Variants in HDGFL2 observed in about 807,000 individuals in gnomAD.
HDGFL2 encodes hepatoma-derived growth factor-related protein 2.
Under a neutral mutation model 77.1 loss-of-function variants are expected in HDGFL2, and 36 were observed. That is an observed-to-expected ratio of 0.47 (90% confidence interval 0.36 to 0.62). The LOEUF (loss-of-function observed/expected upper bound fraction) is 0.62, where lower values mean the gene tolerates loss of function less well. HDGFL2 is among the 20% of genes least tolerant of loss of function. The pLI is 0.00. For missense variants in HDGFL2, 976 were observed against 973.4 expected (o/e 1.00, Z -0.04); for synonymous variants, 463 against 413.1 (o/e 1.12, Z -1.46).
At chr19:4,481,994 G>GC (rs943686688) in intron 3 of HDGFL2, among the ~76,000 whole-genome samples, 1 of 148,130 alleles carries the variant, frequency 6.8e-6, no homozygotes, top group African/African-American at 2.5e-5. Flanking sequence ...CTCACTCTCA[G>GC]CCGGGGGGAC....
intron 15 of HDGFL2, chr19:4,501,585 C>G (rs561203377): frequency 4.7e-4 from 226 of 479,768 alleles, no homozygotes; most frequent in African/African-American, 4.2e-3. Flanking sequence ...TCCAGGGTGG[C>G]CCAGGTAGGT....
Position 4,493,814 on chromosome 19 carries a change from T to C in HDGFL2, c.790T>C (p.Ser264Pro). 1 of 1,535,746 alleles carries C rather than the reference T, an allele frequency of 6.5e-7. No homozygotes were observed. Among genetic ancestry groups the C allele is most frequent in the Non-Finnish European group, 8.8e-7 (1 of 1,137,476 alleles). ...ASSSSSSSSS[S>P]DSDVSVKKPP... ...CTCCTCCTCCTCTTCCTCCTCCTCC[T>C]CCGACTCCGATGTGTCTGTGAAGAA... The change falls in exon 7 of 16, where the codon TCC becomes CCC. Residue 264 changes from serine to proline, a missense_variant. Physicochemically the swap from Ser to Pro is moderately conservative, Grantham distance 74 (BLOSUM62 -1). Around this residue, in one of 5 missense-constraint regions of HDGFL2, gnomAD observed 567 missense variants for 534.7 expected, o/e 1.06. Transcript: ENST00000616600.
At chr19:4,496,157 C>T (rs1975695574) in intron 9 of HDGFL2, 145 bp from the exon 10 acceptor site, 2 of 677,144 alleles carry the variant, frequency 3.0e-6, no homozygotes, top group Non-Finnish European at 2.6e-6. Context: ...GGTCCTCCCT[C>T]CTCTCCCATC....
chr19:4,493,942 C>G (rs1264929750), intron 7 of HDGFL2, 40 bp from the exon 8 acceptor site: 1 of 1,576,376 alleles, frequency 6.3e-7, no homozygotes, highest in Admixed American at 1.8e-5. Context: ...CACCTTGGAG[C>G]CCTGGAAGGG....
At chr19:4,501,880 A>G in intron 15 of HDGFL2, 31 bp from the exon 16 acceptor site, 5 of 1,406,796 alleles carry the variant, frequency 3.6e-6, no homozygotes, top group Non-Finnish European at 4.6e-6. Context: ...GCGGGAGGGC[A>G]TCCTCACACC....
At position 4,494,112 on chromosome 19, in the gene HDGFL2, G is replaced by C; in HGVS notation, c.915-54G>C. Reference sequence around the variant, plus strand: ...CGGCTCCTCCATCGGCTGAGGGGCAGGGCGGGCTCCTGAGGGAGGAACGGA... The same window carrying C: ...CGGCTCCTCCATCGGCTGAGGGGCACGGCGGGCTCCTGAGGGAGGAACGGA... On this transcript the variant is annotated intron_variant, in intron 8 of 15. Coordinates refer to ENST00000616600, the MANE Select transcript of HDGFL2 (RefSeq NM_001001520.3). 2.6e-5 allele frequency: 40 copies of C among 1,513,370 alleles called. No homozygotes were observed. In the South Asian group the frequency reaches 5.1e-4, roughly 19 times the overall value. The allele number at this position is 1,513,370 out of a possible 1,614,324, so 93.7% of individuals were successfully genotyped here.
At position 4,488,660 on chromosome 19, in the gene HDGFL2, GC is replaced by G. The variant is rs1245897106; in HGVS notation, c.289-12del. 5.2e-6 allele frequency: 8 copies of G among 1,537,138 alleles called. No homozygotes were observed. The highest frequency in any genetic ancestry group is 7.0e-6 in the Non-Finnish European group (8 of 1,145,960). ...CGACTGGTGGTGACGCGCGTTCTCT[GC>G]CCCGACTCCCACAGCCAGTGAGCTC... On this transcript the variant is annotated splice_polypyrimidine_tract_variant and intron_variant, in intron 3 of 15. Coordinates refer to ENST00000616600, the MANE Select transcript of HDGFL2 (RefSeq NM_001001520.3).
At chr19:4,500,452 ATTTTTTTTTTTT>A (rs67297373) in intron 14 of HDGFL2, among the ~76,000 whole-genome samples, 1 of 88,704 alleles carries the variant, frequency 1.1e-5, no homozygotes, top group Non-Finnish European at 2.1e-5. Context: ...TGCCCTGCTA[ATTTTTTTTTTTT>A]TTTTTTTTTT....
chr19:4,500,838 C>T (rs1336896211), intron 14 of HDGFL2, among the ~76,000 whole-genome samples: 1 of 152,122 alleles, frequency 6.6e-6, no homozygotes, highest in Non-Finnish European at 1.5e-5. Context: ...AACTCCTGGG[C>T]TCAAGTGAGC....
intron 10 of HDGFL2, chr19:4,497,530 C>T: frequency 3.3e-6 from 1 of 301,008 alleles, no homozygotes; most frequent in Non-Finnish European, 6.4e-6. Context: ...CTTGAGTGGG[C>T]AAACCTGCCC....
rs778394624 is a variant in HDGFL2, at chr19:4,501,930, G to A, written c.1936G>A (p.Asp646Asn). 7 of 1,483,188 alleles carry A rather than the reference G, an allele frequency of 4.7e-6. No individual in the cohort carries two copies. Among genetic ancestry groups the A allele is most frequent in the South Asian group, 4.0e-5 (3 of 74,552 alleles). 91.9% of individuals were successfully genotyped at this position (1,483,188 alleles called of 1,614,324 possible). The change falls in exon 16 of 16, where the codon GAC becomes AAC. Residue 646 changes from aspartate (D) to asparagine (N), a missense_variant. By Grantham distance (23) the Asp-to-Asn change is conservative. Around this residue, in one of 5 missense-constraint regions of HDGFL2, gnomAD observed 229 missense variants for 187.3 expected, o/e 1.22. Coordinates refer to ENST00000616600, the MANE Select transcript of HDGFL2 (RefSeq NM_001001520.3). ...CACCAGCAGCGTACGGGAGGGTCCC[G>A]ACCTGGACAGGCCTGGGAGCGACCG... ...DLHDSVREGP[D>N]LDRPGSDRQE...
In HDGFL2 at chr19:4,488,658, C is replaced by T; in HGVS notation, c.289-18C>T. The T allele has an allele frequency of 6.5e-7, 1 of 1,536,630 alleles. No homozygotes were observed. The highest frequency in any genetic ancestry group is 1.2e-5 in the South Asian group (1 of 83,922). On this transcript the variant is annotated intron_variant, in intron 3 of 15. Transcript: ENST00000616600. ...CACGACTGGTGGTGACGCGCGTTCT[C>T]TGCCCCGACTCCCACAGCCAGTGAG... is the stretch of plus-strand genomic sequence containing the variant.
chr19:4,498,188 C>A, intron 11 of HDGFL2, 118 bp from the exon 12 acceptor site: 1 of 1,146,850 alleles, frequency 8.7e-7, no homozygotes, highest in South Asian at 1.3e-5. Context: ...GGGGGCTGAG[C>A]CTGCAGACCT....
Position 4,501,987 on chromosome 19 carries a change from G to C in HDGFL2, c.1993G>C (p.Glu665Gln). 1 of 1,514,452 alleles carries C rather than the reference G, an allele frequency of 6.6e-7. No homozygotes were observed. The highest frequency in any genetic ancestry group is 1.3e-5 in the South Asian group (1 of 79,600). 93.8% of individuals were successfully genotyped at this position (1,514,452 alleles called of 1,614,324 possible). A position where few individuals can be genotyped will look rare whatever the true frequency, so the allele number is the denominator to read the frequency against. ...GCGCGAGAGGGCACGGGGGGACTCG[G>C]AGGCCCTGGACGAGGAGAGCTGAGC... The part of the protein sequence containing the change: ...QERERARGDS[E>Q]ALDEES The change falls in exon 16 of 16, where the codon GAG (glutamate) becomes CAG (glutamine). Residue 665 changes from glutamate (E) to glutamine (Q), a missense_variant. Coordinates refer to ENST00000616600, the MANE Select transcript of HDGFL2 (RefSeq NM_001001520.3).
At chr19:4,490,186 C>G (rs1035827018) in intron 4 of HDGFL2, among the ~76,000 whole-genome samples, 1 of 152,220 alleles carries the variant, frequency 6.6e-6, no homozygotes, top group African/African-American at 2.4e-5. Flanking sequence ...CTCCCGGGTT[C>G]AAGCAATTCT....
At chr19:4,484,689 T>TTTTTTTTTG (rs1975315460) in intron 3 of HDGFL2, among the ~76,000 whole-genome samples, 1 of 85,666 alleles carries the variant, frequency 1.2e-5, no homozygotes, top group Non-Finnish European at 2.4e-5. Flanking sequence ...TTTTTTTTTT[T>TTTTTTTTTG]GACACGGAGT....
At position 4,491,931 on chromosome 19, in the gene HDGFL2, G is replaced by T; in HGVS notation, c.678+96G>T. On this transcript the variant is annotated intron_variant, in intron 6 of 15. Coordinates refer to ENST00000616600, the MANE Select transcript of HDGFL2 (RefSeq NM_001001520.3). The stretch of plus-strand genomic sequence containing the variant: ...AGGGCAGGGCGGGCCATTTCTGGAG[G>T]GGGTGGGACACGGACTGCAGGGTAC... The T allele has an allele frequency of 3.5e-6, 4 of 1,138,740 alleles. No homozygotes were observed. In the Admixed American group the frequency reaches 7.3e-5, roughly 21 times the overall value. 70.5% of individuals were successfully genotyped at this position (1,138,740 alleles called of 1,614,324 possible).
Position 4,502,036 on chromosome 19 carries a change from C to T in HDGFL2, c.*26C>T, listed in dbSNP as rs371636742. 3.6e-4 allele frequency: 534 copies of T among 1,496,998 alleles called. 1 individual carries two copies. Among genetic ancestry groups the T allele is most frequent in the Admixed American group, 6.0e-4 (29 of 48,738 alleles). The allele number at this position is 1,496,998 out of a possible 1,614,324, so 92.7% of individuals were successfully genotyped here. ...GCCGCGGGCAGCCAGGCCCAGCCCC[C>T]GCCCGAGCTCAGGCTGCCCCTCTCC... On this transcript the variant is annotated 3_prime_UTR_variant, in exon 16 of 16. Coordinates refer to ENST00000616600, the MANE Select transcript of HDGFL2 (RefSeq NM_001001520.3).
In HDGFL2 at chr19:4,472,330, C is replaced by T. The variant is rs756730860; in HGVS notation, c.-21C>T. On this transcript the variant is annotated 5_prime_UTR_variant, in exon 1 of 16. Coordinates refer to ENST00000616600, the MANE Select transcript of HDGFL2 (RefSeq NM_001001520.3). ...CCGCCGCTGCAGCCGCTTTCCGCGGCCTGGGCCTCTCGCCGTCAGCATGCC... is the reference window on the plus strand; with the variant it reads ...CCGCCGCTGCAGCCGCTTTCCGCGGTCTGGGCCTCTCGCCGTCAGCATGCC... The T allele has an allele frequency of 1.0e-5, 15 of 1,507,368 alleles. No individual in the cohort carries two copies. Among genetic ancestry groups the T allele is most frequent in the Non-Finnish European group, 1.3e-5 (15 of 1,129,192 alleles). 93.4% of individuals were successfully genotyped at this position (1,507,368 alleles called of 1,614,324 possible).
Sources: gnomAD v4.1 joint callset for allele counts (sites outside exome capture counted in the v4.1 genomes callset) on GRCh38, gnomAD v4.1.1 for gene constraint, gnomAD v4.1.1 regional missense constraint, MANE v1.5 for transcripts, NCBI Gene and HGNC (gene_info 2026-07-23, HGNC 2026-07-21) for gene names.